The following FBXL7 variants were observed in gnomAD, a reference collection of about 807,000 sequenced individuals.
The protein encoded by FBXL7 is F-box and leucine rich repeat protein 7, also known as F-box/LRR-repeat protein 7.
FBXL7 carries 12 observed loss-of-function variants against 38.3 expected under a neutral mutation model. The ratio of observed to expected loss-of-function variants is 0.31; its 90% confidence interval spans 0.20 to 0.51. The LOEUF is 0.51. Ranked by LOEUF, FBXL7 falls within the 20% of genes least tolerant of loss-of-function variation. The pLI is 0.98. For missense variants in FBXL7, 567 were observed against 676.4 expected, an observed-to-expected ratio of 0.84 and a Z score of 1.79; for synonymous variants, 297 against 300.9, an observed-to-expected ratio of 0.99 and a Z score of 0.13.
chr5:15,857,410 G>T (rs1020634835), intron 2 of FBXL7, among the ~76,000 whole-genome samples: 3 of 152,180 alleles, frequency 2.0e-5, no homozygotes, highest in African/African-American at 7.2e-5. Context: ...CACAGAGAGA[G>T]CCTAAATGAC....
intron 2 of FBXL7, among the ~76,000 whole-genome samples, chr5:15,719,974 T>C (rs1744148871): frequency 6.7e-6 from 1 of 148,998 alleles, no homozygotes; most frequent in Non-Finnish European, 1.5e-5. Flanking sequence ...GCGTATTCCC[T>C]ATCAGTAGCT....
intron 1 of FBXL7, among the ~76,000 whole-genome samples, chr5:15,609,493 A>G (rs1256200783): frequency 6.6e-6 from 1 of 152,182 alleles, no homozygotes; most frequent in African/African-American, 2.4e-5. Context: ...GCATCCTTTC[A>G]TTCAGTTTAT....
At chr5:15,717,283 C>T (rs531318965) in intron 2 of FBXL7, among the ~76,000 whole-genome samples, 2 of 152,258 alleles carry the variant, frequency 1.3e-5, no homozygotes, top group East Asian at 1.9e-4. Flanking sequence ...GCTCCTATGG[C>T]GATGTCTCCT....
At chr5:15,837,008 C>T (rs1329636780) in intron 2 of FBXL7, among the ~76,000 whole-genome samples, 2 of 152,148 alleles carry the variant, frequency 1.3e-5, no homozygotes, top group Admixed American at 6.5e-5. Flanking sequence ...TCCCCTCCCT[C>T]GTGTCCAGCA....
intron 2 of FBXL7, among the ~76,000 whole-genome samples, chr5:15,766,502 C>T (rs1182701629): frequency 6.6e-6 from 1 of 152,190 alleles, no homozygotes; most frequent in Non-Finnish European, 1.5e-5. Context: ...AGCTTCATCA[C>T]CACAAGGCAG....
At chr5:15,703,738 C>T (rs866159232) in intron 2 of FBXL7, among the ~76,000 whole-genome samples, 3 of 152,008 alleles carry the variant, frequency 2.0e-5, no homozygotes, top group South Asian at 4.1e-4. Flanking sequence ...AAGGGTGTGA[C>T]GTCTCTGATT....
chr5:15,934,284 C>T (rs770363699), intron 3 of FBXL7, among the ~76,000 whole-genome samples: 64 of 152,124 alleles, frequency 4.2e-4, no homozygotes, highest in Non-Finnish European at 8.1e-4. Flanking sequence ...GGATTGCAGG[C>T]GTGAGCCAAC....
chr5:15,632,371 G>A (rs910952550), intron 2 of FBXL7, among the ~76,000 whole-genome samples: 2 of 152,052 alleles, frequency 1.3e-5, no homozygotes, highest in African/African-American at 4.8e-5. Context: ...ACATCTACAT[G>A]TGAAAGTTAT....
chr5:15,555,331 A>G (rs960518963), intron 1 of FBXL7, among the ~76,000 whole-genome samples: 1 of 152,214 alleles, frequency 6.6e-6, no homozygotes, highest in Non-Finnish European at 1.5e-5. Context: ...GCCTGGCCAT[A>G]CAGCAAAAGC....
chr5:15,798,589 T>C (rs1465058445), intron 2 of FBXL7, among the ~76,000 whole-genome samples: 1 of 152,230 alleles, frequency 6.6e-6, no homozygotes, highest in Non-Finnish European at 1.5e-5. Context: ...TGGAAGGCGT[T>C]TGCTGATCAG....
chr5:15,730,261 G>A (rs1735547300), intron 2 of FBXL7, among the ~76,000 whole-genome samples: 1 of 152,004 alleles, frequency 6.6e-6, no homozygotes, highest in African/African-American at 2.4e-5. Context: ...CTCTTGCACA[G>A]GTACTGTAAA....
intron 2 of FBXL7, among the ~76,000 whole-genome samples, chr5:15,620,627 T>C (rs2964265): frequency 0.058 from 8,883 of 152,024 alleles, 723 homozygotes; most frequent in East Asian, 0.36. Context: ...AGGGGAGGAT[T>C]GGCTGGTGTA....
intron 1 of FBXL7, among the ~76,000 whole-genome samples, chr5:15,573,401 C>T (rs1452502822): frequency 1.3e-5 from 2 of 152,004 alleles, no homozygotes; most frequent in African/African-American, 4.8e-5. Flanking sequence ...ATGGTCAAAC[C>T]AGCTCAAAAA....
intron 1 of FBXL7, among the ~76,000 whole-genome samples, chr5:15,512,494 C>T (rs1244782419): frequency 6.6e-6 from 1 of 152,126 alleles, no homozygotes. Flanking sequence ...TAGGAAAACA[C>T]CCTATGAATA....
intron 2 of FBXL7, among the ~76,000 whole-genome samples, chr5:15,752,593 A>G (rs1736183055): frequency 6.6e-6 from 1 of 152,206 alleles, no homozygotes. Flanking sequence ...AGAATATAGG[A>G]TTTCAAAAGC....
At chr5:15,665,874 G>A (rs1387607202) in intron 2 of FBXL7, among the ~76,000 whole-genome samples, 1 of 152,030 alleles carries the variant, frequency 6.6e-6, no homozygotes, top group Non-Finnish European at 1.5e-5. Flanking sequence ...CCTGAGCAAA[G>A]TTTTATATCA....
intron 2 of FBXL7, among the ~76,000 whole-genome samples, chr5:15,855,526 A>C (rs1383077777): frequency 6.6e-6 from 1 of 152,096 alleles, no homozygotes; most frequent in Non-Finnish European, 1.5e-5. Context: ...TGTTCCTCCT[A>C]AAATAACTCT....
At chr5:15,766,048 C>T (rs1208984271) in intron 2 of FBXL7, among the ~76,000 whole-genome samples, 1 of 105,284 alleles carries the variant, frequency 9.5e-6, no homozygotes, top group Non-Finnish European at 2.1e-5. Context: ...GTCTATCTAC[C>T]TACCTACCTA....
At chr5:15,541,383 C>T (rs1737738979) in intron 1 of FBXL7, among the ~76,000 whole-genome samples, 1 of 139,762 alleles carries the variant, frequency 7.2e-6, no homozygotes, top group African/African-American at 2.7e-5. Context: ...TATATATATA[C>T]ACACACATAT....
Sources: allele counts gnomAD v4.1 joint callset (sites outside exome capture counted in the v4.1 genomes callset), GRCh38; gene constraint gnomAD v4.1.1; transcripts MANE v1.5; gene names NCBI Gene and HGNC (gene_info 2026-07-23, HGNC 2026-07-21).